Variants in ME1 observed in about 807,000 individuals in gnomAD.
ME1 encodes the protein NADP-dependent malic enzyme.
In ME1, 74 loss-of-function variants were observed where a neutral mutation model predicts 66.4. That is an observed-to-expected ratio of 1.11 (90% CI 0.92 to 1.35). The LOEUF is 1.35. ME1 is among the 40% of genes most tolerant of loss of function. ME1 has a pLI of 0.00. For missense variants in ME1, 750 were observed against 694.1 expected (o/e 1.08, Z -0.90); for synonymous variants, 251 against 235.6 (o/e 1.07, Z -0.60).
Position 83,315,484 on chromosome 6 carries a change from A to G in ME1, c.601-71T>C, listed in dbSNP as rs573653875. The G allele has an allele frequency of 7.0e-5, 64 of 915,014 alleles. No homozygotes were observed. In the African/African-American group the frequency reaches 9.1e-4, roughly 13 times the overall value. 56.7% of individuals were successfully genotyped at this position (915,014 alleles called of 1,614,324 possible). Reference sequence around the variant, plus strand: ...TCATTTATTGAGCCTCAGTTTCTTCATCTGTATAAAAGGGACAAAAATAGA... The same window carrying G: ...TCATTTATTGAGCCTCAGTTTCTTCGTCTGTATAAAAGGGACAAAAATAGA... On this transcript the variant is annotated intron_variant, in intron 5 of 13. Coordinates refer to ENST00000369705, the MANE Select transcript of ME1 (RefSeq NM_002395.6).
chr6:83,328,377 T>A (rs1213255930), intron 5 of ME1, among the ~76,000 whole-genome samples: 2 of 152,126 alleles, frequency 1.3e-5, no homozygotes, highest in South Asian at 2.1e-4. Context: ...GACGGGTTGA[T>A]GAGTGCAGCA....
chr6:83,377,829 T>G (rs1769321974), intron 3 of ME1, among the ~76,000 whole-genome samples: 1 of 145,780 alleles, frequency 6.9e-6, no homozygotes, highest in Non-Finnish European at 1.5e-5. Context: ...GGTTTTAGTT[T>G]GTGATCTTTT....
chr6:83,392,620 A>T (rs1387858948), intron 3 of ME1: 2 of 578,184 alleles, frequency 3.5e-6, no homozygotes, highest in Non-Finnish European at 6.7e-6. Context: ...GAAGCTTGTT[A>T]TCAATGGAAA....
At chr6:83,369,703 G>T (rs1038600171) in intron 3 of ME1, among the ~76,000 whole-genome samples, 2 of 120,112 alleles carry the variant, frequency 1.7e-5, no homozygotes, top group African/African-American at 5.7e-5. Context: ...AAGGAAGGAA[G>T]GAAGGAAGGA....
At chr6:83,221,236 T>C (rs1375634914) in intron 12 of ME1, among the ~76,000 whole-genome samples, 1 of 152,098 alleles carries the variant, frequency 6.6e-6, no homozygotes, top group Non-Finnish European at 1.5e-5. Flanking sequence ...CAGGAGTGTA[T>C]CATAACCAGA....
At chr6:83,364,741 T>TGTC (rs1169359091) in intron 3 of ME1, among the ~76,000 whole-genome samples, 3 of 130,176 alleles carry the variant, frequency 2.3e-5, no homozygotes, top group African/African-American at 1.1e-4. Context: ...ATCTGTCATC[T>TGTC]ATCTATCTAT....
In ME1 at chr6:83,317,009, T is replaced by C. The variant is rs182990496; in HGVS notation, c.601-1596A>G. Among the ~76,000 whole-genome samples, 84 of 151,212 alleles carry C rather than the reference T, an allele frequency of 5.6e-4. 2 individuals are homozygous for C. The highest frequency in any genetic ancestry group is 1.9e-3 in the African/African-American group (79 of 41,278). ...CTTCAGTAACCTAGAATAGAGAAAA[T>C]TGAAATAATGAATTTGTGAATCTGG... On this transcript the variant is annotated intron_variant, in intron 5 of 13. Coordinates refer to ENST00000369705, the MANE Select transcript of ME1 (RefSeq NM_002395.6).
chr6:83,237,105 G>C (rs1282392398), intron 9 of ME1, among the ~76,000 whole-genome samples: 1 of 150,936 alleles, frequency 6.6e-6, no homozygotes, highest in Non-Finnish European at 1.5e-5. Context: ...AGGTGGGATA[G>C]GGATCACTTG....
intron 5 of ME1, among the ~76,000 whole-genome samples, chr6:83,328,637 G>A (rs991775702): frequency 4.6e-5 from 7 of 152,050 alleles, no homozygotes; most frequent in Non-Finnish European, 8.8e-5. Context: ...TTTTGATAAT[G>A]GTTCCACAGA....
Position 83,226,709 on chromosome 6 carries a change from T to G in ME1, c.1275+626A>C, listed in dbSNP as rs191924868. ...GTTCATTTTGGATTTCTTTCCAAAA[T>G]AAACATTTTAGATAGATATGACTCA... is the stretch of plus-strand genomic sequence containing the variant. On this transcript the variant is annotated intron_variant, in intron 11 of 13. Transcript: ENST00000369705. Among the ~76,000 whole-genome samples the G allele has an allele frequency of 2.0e-5, 3 of 152,288 alleles. No homozygotes were observed. The East Asian group carries it at 5.8e-4, about 29-fold the overall frequency.
intron 1 of ME1, among the ~76,000 whole-genome samples, chr6:83,409,669 G>T (rs1177133967): frequency 1.3e-5 from 2 of 152,208 alleles, no homozygotes; most frequent in East Asian, 1.9e-4. Context: ...ACTGAATGAC[G>T]CCATGATAGA....
At chr6:83,261,741 C>T (rs1012097367) in intron 6 of ME1, among the ~76,000 whole-genome samples, 1 of 151,936 alleles carries the variant, frequency 6.6e-6, no homozygotes, top group Non-Finnish European at 1.5e-5. Context: ...AGGCCGGGCG[C>T]GGTGGCTCAC....
At position 83,223,923 on chromosome 6, in the gene ME1, A is replaced by C. The variant is rs1209995816; in HGVS notation, c.1286T>G (p.Ile429Ser). The C allele has an allele frequency of 6.2e-7, 1 of 1,613,890 alleles. No individual in the cohort carries two copies. ...ATCAAAAGGACTGCCACTGGCAAAA[A>C]TTGCACGTCCCTACAACAAAGACAC... Reference protein sequence around the residue: ...QCYKITKGRAIFASGSPFDPV... With the variant: ...QCYKITKGRASFASGSPFDPV... The change falls in exon 12 of 14, where the codon ATT becomes AGT. Residue 429 changes from isoleucine to serine, a missense_variant. Ile to Ser is a moderately radical substitution (Grantham distance 142). Coordinates refer to ENST00000369705, the MANE Select transcript of ME1 (RefSeq NM_002395.6).
At chr6:83,357,933 C>CTA (rs1768926544) in intron 3 of ME1, among the ~76,000 whole-genome samples, 89 of 44,932 alleles carry the variant, frequency 2.0e-3, no homozygotes, top group African/African-American at 2.8e-3. Context: ...CTCTCTCTCT[C>CTA]TCTATATATA....
intron 5 of ME1, among the ~76,000 whole-genome samples, chr6:83,342,455 T>A (rs887485946): frequency 1.3e-5 from 2 of 152,220 alleles, no homozygotes; most frequent in African/African-American, 4.8e-5. Context: ...CATGTGTATC[T>A]CCTCTTCTAG....
At chr6:83,357,902 C>CTCTCTCTCCCTCTCTCTCTCTCTCT (rs1768921889) in intron 3 of ME1, among the ~76,000 whole-genome samples, 1 of 31,562 alleles carries the variant, frequency 3.2e-5, no homozygotes, top group Non-Finnish European at 5.3e-5. Flanking sequence ...AATAAACTCC[C>CTCTCTCTCCCTCTCTCTCTCTCTCT]CTCTCTCTCT....
chr6:83,309,915 G>A (rs752444078), intron 6 of ME1, among the ~76,000 whole-genome samples: 8 of 151,774 alleles, frequency 5.3e-5, no homozygotes, highest in South Asian at 2.1e-4. Flanking sequence ...CTGTATGTTG[G>A]GCTTCAAATT....
At chr6:83,301,247 CTCTT>C (rs70987747) in intron 6 of ME1, among the ~76,000 whole-genome samples, 3 of 150,586 alleles carry the variant, frequency 2.0e-5, no homozygotes, top group Admixed American at 6.6e-5. Flanking sequence ...TGCTTCCTTT[CTCTT>C]TCTTTCTTTC....
At chr6:83,270,330 A>G (rs556400529) in intron 6 of ME1, among the ~76,000 whole-genome samples, 2 of 152,184 alleles carry the variant, frequency 1.3e-5, no homozygotes, top group African/African-American at 2.4e-5. Context: ...CTGCACAACA[A>G]ATCAGGTCCC....
Sources: allele counts gnomAD v4.1 joint callset (sites outside exome capture counted in the v4.1 genomes callset), GRCh38; gene constraint gnomAD v4.1.1; transcripts MANE v1.5; gene names NCBI Gene and HGNC (gene_info 2026-07-23, HGNC 2026-07-21).